The following MGAT5 variants were observed in gnomAD, a reference collection of about 807,000 sequenced individuals.
MGAT5 encodes the protein alpha-1,6-mannosylglycoprotein 6-beta-N-acetylglucosaminyltransferase A.
A neutral mutation model predicts 94.3 loss-of-function variants in MGAT5; 30 were observed. That is an observed-to-expected ratio of 0.32 (90% CI 0.24 to 0.43). MGAT5 has a LOEUF of 0.43. Among genes scored for constraint, MGAT5 ranks in the 20% least tolerant of loss-of-function variants. The pLI is 1.00. For synonymous variants in MGAT5, 310 were observed against 322.9 expected (o/e 0.96, Z 0.43); for missense variants, 691 against 905.5 (o/e 0.76, Z 3.04).
chr2:134,305,030 C>T (rs891885364), intron 2 of MGAT5, among the ~76,000 whole-genome samples: 6 of 152,160 alleles, frequency 3.9e-5, no homozygotes, highest in African/African-American at 1.4e-4. Flanking sequence ...TCAAACCGTA[C>T]CCAAGAATTT....
In MGAT5 at chr2:134,318,005, T is replaced by C. The variant is rs185883246; in HGVS notation, c.483+400T>C. 2.5e-4 allele frequency among the ~76,000 whole-genome samples: 38 copies of C among 152,306 alleles called. 1 individual carries two copies. Among genetic ancestry groups the C allele is most frequent in the Admixed American group, 2.5e-3 (38 of 15,302 alleles). On this transcript the variant is annotated intron_variant, in intron 3 of 15. Transcript: ENST00000281923. Reference sequence around the variant, plus strand: ...CTCCTGCTCTGAAGCCTCCAGACTGTGGTTTAAGTGTCACATTTGTATTTG... The same window carrying C: ...CTCCTGCTCTGAAGCCTCCAGACTGCGGTTTAAGTGTCACATTTGTATTTG...
Position 134,127,392 on chromosome 2 carries a change from C to T in MGAT5, c.-143+7101C>T, listed in dbSNP as rs751758001. Among the ~76,000 whole-genome samples the T allele has an allele frequency of 1.5e-3, 229 of 152,114 alleles. 2 individuals carry two copies. The highest frequency in any genetic ancestry group is 3.8e-3 in the Admixed American group (58 of 15,274). ...ATTGGGCAGTCTTCACTGTACATTA[C>T]ACACAAATGTAATTCTCCTGGGTAA... is the stretch of plus-strand genomic sequence containing the variant. On this transcript the variant is annotated intron_variant, in intron 1 of 16. Coordinates refer to the MGAT5 transcript ENST00000409645.
At chr2:134,289,312 T>G (rs1685202356) in intron 2 of MGAT5, among the ~76,000 whole-genome samples, 2 of 152,170 alleles carry the variant, frequency 1.3e-5, no homozygotes, top group African/African-American at 4.8e-5. Flanking sequence ...GGGAACGCTT[T>G]TCTCTTCCAG....
intron 15 of MGAT5, among the ~76,000 whole-genome samples, chr2:134,445,293 CT>C (rs918291203): frequency 3.9e-5 from 6 of 152,086 alleles, no homozygotes; most frequent in Non-Finnish European, 8.8e-5. Context: ...AGACCCTGAA[CT>C]TTTTGGTAGA....
chr2:134,362,320 A>T lies in MGAT5; in HGVS notation c.1292A>T (p.His431Leu), dbSNP rs973150041. The change falls in exon 10 of 16, where the codon CAC (histidine) becomes CTC (leucine). Residue 431 changes from histidine (H) to leucine (L), a missense_variant. Physicochemically the swap from His to Leu is moderately conservative, Grantham distance 99. Coordinates refer to ENST00000281923, the MANE Select transcript of MGAT5 (RefSeq NM_002410.5). ...TTTCTGGGGTTTGTGGTTGAGCAGC[A>T]CCTGAACTCCAGTGATATCCACCAC... ...NSFLGFVVEQ[H>L]LNSSDIHHIN... 1.2e-6 allele frequency: 2 copies of T among 1,613,932 alleles called. No homozygotes were observed. The highest frequency in any genetic ancestry group is 2.7e-5 in the African/African-American group (2 of 74,922).
intron 11 of MGAT5, among the ~76,000 whole-genome samples, chr2:134,408,360 A>C (rs1683462404): frequency 6.6e-6 from 1 of 152,352 alleles, no homozygotes; most frequent in African/African-American, 2.4e-5. Flanking sequence ...ATTGTAATGC[A>C]TTTGATTTTA....
At chr2:134,148,759 GTTTT>G (rs748584511) in intron 1 of MGAT5, among the ~76,000 whole-genome samples, 1 of 118,722 alleles carries the variant, frequency 8.4e-6, no homozygotes, top group Non-Finnish European at 1.7e-5. Context: ...TCTTTCTTAG[GTTTT>G]TTTTTTTTTT....
At chr2:134,344,853 T>TA in intron 7 of MGAT5, 77 bp from the exon 8 acceptor site, 6 of 1,556,954 alleles carry the variant, frequency 3.9e-6, no homozygotes, top group Non-Finnish European at 5.2e-6. Context: ...ATTTGCCCAT[T>TA]AAAGTTGCCA....
intron 12 of MGAT5, among the ~76,000 whole-genome samples, chr2:134,421,753 G>GT (rs1263197314): frequency 6.6e-6 from 1 of 152,144 alleles, no homozygotes; most frequent in African/African-American, 2.4e-5. Context: ...ACATTCTCCA[G>GT]TTATTATGGT....
chr2:134,314,944 C>G (rs922033992), intron 2 of MGAT5, among the ~76,000 whole-genome samples: 10 of 152,192 alleles, frequency 6.6e-5, no homozygotes, highest in African/African-American at 2.4e-4. Flanking sequence ...TCTGTGGCTG[C>G]TTTTTCATGA....
At position 134,153,404 on chromosome 2, in the gene MGAT5, CCTGA is replaced by C. The variant is rs1456416391; in HGVS notation, c.-143+33116_-143+33119del. 2.6e-5 allele frequency among the ~76,000 whole-genome samples: 4 copies of C among 152,232 alleles called. No homozygotes were observed. In the East Asian group the frequency reaches 7.7e-4, roughly 29 times the overall value. The stretch of plus-strand genomic sequence containing the variant: ...TTGTAAAATTCCTCCTGGACCTTCT[CCTGA>C]CTAACTGTTTTAATCCCTGTACCTC... On this transcript the variant is annotated intron_variant, in intron 1 of 16. Transcript: ENST00000409645.
chr2:134,354,259 C>T (rs567127848), intron 9 of MGAT5, among the ~76,000 whole-genome samples: 1 of 152,252 alleles, frequency 6.6e-6, no homozygotes, highest in East Asian at 1.9e-4. Flanking sequence ...AGATTGTGTT[C>T]TACTGATGGA....
chr2:134,232,675 C>A (rs913445547), intron 1 of MGAT5, among the ~76,000 whole-genome samples: 5 of 152,114 alleles, frequency 3.3e-5, no homozygotes, highest in Non-Finnish European at 7.4e-5. Flanking sequence ...AGACCACAGA[C>A]CTATGTAATG....
chr2:134,422,767 T>C, intron 12 of MGAT5, 36 bp from the exon 13 acceptor site: 1 of 1,528,278 alleles, frequency 6.5e-7, no homozygotes, highest in Non-Finnish European at 9.1e-7. Flanking sequence ...ATTTTAAAAA[T>C]TGCTTGTGAG....
In MGAT5 at chr2:134,362,363, G is replaced by A; in HGVS notation, c.1335G>A (p.Arg445=). Reference sequence around the variant, plus strand: ...TCCACCACATTAATGAAATCAAAAGGCAGAACCAGTCCCTTGTGTATGGCA... The same window carrying A: ...TCCACCACATTAATGAAATCAAAAGACAGAACCAGTCCCTTGTGTATGGCA... The part of the protein sequence containing the change: ...SDIHHINEIK[R]QNQSLVYGKV... The change falls in exon 10 of 16, where the codon AGG becomes AGA. Residue 445 remains arginine (R), a synonymous_variant. Transcript: ENST00000281923. The A allele has an allele frequency of 1.2e-6, 2 of 1,614,148 alleles. No individual in the cohort carries two copies. The highest frequency in any genetic ancestry group is 8.5e-7 in the Non-Finnish European group (1 of 1,180,002).
At chr2:134,395,129 G>A (rs1243256253) in intron 10 of MGAT5, among the ~76,000 whole-genome samples, 2 of 152,150 alleles carry the variant, frequency 1.3e-5, no homozygotes. Flanking sequence ...TGTTGCTTTA[G>A]GACCATGCCA....
At chr2:134,412,087 G>A (rs1466726514) in intron 11 of MGAT5, among the ~76,000 whole-genome samples, 3 of 152,126 alleles carry the variant, frequency 2.0e-5, no homozygotes, top group African/African-American at 7.2e-5. Flanking sequence ...TTGGACCCAG[G>A]AAATCAGCAC....
intron 15 of MGAT5, among the ~76,000 whole-genome samples, chr2:134,442,277 A>C (rs1685526767): frequency 6.6e-6 from 1 of 152,054 alleles, no homozygotes; most frequent in Admixed American, 6.5e-5. Context: ...GTATAGATGG[A>C]CCAGCTCCTC....
intron 10 of MGAT5, among the ~76,000 whole-genome samples, chr2:134,386,673 C>T (rs1016829871): frequency 6.6e-6 from 1 of 152,082 alleles, no homozygotes; most frequent in Non-Finnish European, 1.5e-5. Flanking sequence ...CTGAGGCAGC[C>T]CCCTCTAAAG....
Sources: allele counts gnomAD v4.1 joint callset (sites outside exome capture counted in the v4.1 genomes callset), GRCh38; gene constraint gnomAD v4.1.1; transcripts MANE v1.5; gene names NCBI Gene and HGNC (gene_info 2026-07-23, HGNC 2026-07-21).